The following NUDCD3 variants were observed in gnomAD, a reference collection of about 807,000 sequenced individuals.
NUDCD3 encodes NudC domain containing 3, also known as nudC domain-containing protein 3.
In NUDCD3, 13 loss-of-function variants were observed where a neutral mutation model predicts 39.7. That is an observed-to-expected ratio of 0.33 (90% confidence interval 0.21 to 0.52). The LOEUF (loss-of-function observed/expected upper bound fraction) is 0.52. Among genes scored for constraint, NUDCD3 ranks in the 20% least tolerant of loss-of-function variants. NUDCD3 has a pLI of 0.96. For synonymous variants in NUDCD3, 175 were observed against 172.4 expected (o/e 1.02, Z -0.12); for missense variants, 453 against 458.1 (o/e 0.99, Z 0.10).
intron 3 of NUDCD3, among the ~76,000 whole-genome samples, chr7:44,407,236 A>G (rs562186536): frequency 1.1e-3 from 167 of 151,098 alleles, no homozygotes; most frequent in African/African-American, 4.0e-3. Flanking sequence ...ACGGTCCCAC[A>G]CTCAAGAGAA....
intron 2 of NUDCD3, among the ~76,000 whole-genome samples, chr7:44,465,926 A>G (rs1800108718): frequency 6.6e-6 from 1 of 152,222 alleles, no homozygotes; most frequent in Non-Finnish European, 1.5e-5. Flanking sequence ...AAATCTAAAT[A>G]AAAGCTAGAG....
chr7:44,401,957 T>C (rs1248107006), intron 4 of NUDCD3, among the ~76,000 whole-genome samples: 1 of 152,106 alleles, frequency 6.6e-6, no homozygotes, highest in East Asian at 1.9e-4. Context: ...TCTCACACAT[T>C]TACCTAACAC....
chr7:44,467,817 TAAAAAAAAAA>T, intron 2 of NUDCD3: 1 of 863,818 alleles, frequency 1.2e-6, no homozygotes, highest in Non-Finnish European at 1.7e-6. Context: ...AAGACCTCAG[TAAAAAAAAAA>T]AAAAGAAAAG....
rs1167752759 is a variant in NUDCD3 at position 44,462,979 on chromosome 7, GTGTGTGTGTGTA to G, written c.509+21977_509+21988del. 7.1e-3 allele frequency among the ~76,000 whole-genome samples: 1,069 copies of G among 151,516 alleles called. 7 individuals are homozygous for G. The highest frequency in any genetic ancestry group is 0.024 in the African/African-American group (993 of 41,100). Reference sequence around the variant, plus strand: ...TGTGTGTGTGTGTGTGTGTGTGTGTGTGTGTGTGTGTATACACAAAGATACAAAAGATTTATA... The same window carrying G: ...TGTGTGTGTGTGTGTGTGTGTGTGTGTACACAAAGATACAAAAGATTTATA... On this transcript the variant is annotated intron_variant, in intron 2 of 5. Transcript: ENST00000355451.
chr7:44,453,356 A>AAAATAAAT (rs558104012), intron 2 of NUDCD3, among the ~76,000 whole-genome samples: 4 of 151,838 alleles, frequency 2.6e-5, no homozygotes, highest in South Asian at 4.2e-4. Context: ...TCATCTCAAA[A>AAAATAAAT]AAATAAATAA....
At chr7:44,444,593 C>G (rs1401710499) in intron 2 of NUDCD3, among the ~76,000 whole-genome samples, 1 of 152,200 alleles carries the variant, frequency 6.6e-6, no homozygotes, top group Non-Finnish European at 1.5e-5. Flanking sequence ...CAAAACTCCT[C>G]TACAAATTGA....
intron 4 of NUDCD3, among the ~76,000 whole-genome samples, chr7:44,393,767 G>C (rs1798566503): frequency 6.6e-6 from 1 of 152,158 alleles, no homozygotes; most frequent in South Asian, 2.1e-4. Context: ...AGTGAGAGCA[G>C]CTCTCATCCA....
chr7:44,400,952 C>T (rs6966937), intron 4 of NUDCD3, among the ~76,000 whole-genome samples: 19,565 of 152,198 alleles, frequency 0.13, 1,673 homozygotes, highest in Non-Finnish European at 0.19. Flanking sequence ...AGAGCAAAGC[C>T]CTCAACTCAC....
intron 2 of NUDCD3, among the ~76,000 whole-genome samples, chr7:44,457,751 T>C (rs1287843063): frequency 6.6e-6 from 1 of 152,172 alleles, no homozygotes; most frequent in Non-Finnish European, 1.5e-5. Flanking sequence ...AAAATACACA[T>C]TTTTAGTTAC....
rs116925814 is a variant in NUDCD3 at position 44,434,517 on chromosome 7, T to C, written c.510-6814A>G. On this transcript the variant is annotated intron_variant, in intron 2 of 5. Coordinates refer to ENST00000355451, the MANE Select transcript of NUDCD3 (RefSeq NM_015332.4). ...GGCTCCTTTCATTGTTGTGGATGCA[T>C]TATTTCTAAGTTCATGCTTCTTTAC... Among the ~76,000 whole-genome samples the C allele has an allele frequency of 3.9e-5, 6 of 152,328 alleles. No individual in the cohort carries two copies. In the East Asian group the frequency reaches 1.2e-3, roughly 29 times the overall value.
At chr7:44,387,263 C>T (rs1798417060) in intron 5 of NUDCD3, among the ~76,000 whole-genome samples, 1 of 152,172 alleles carries the variant, frequency 6.6e-6, no homozygotes, top group South Asian at 2.1e-4. Flanking sequence ...TGGGCTCAAG[C>T]GATCCTCCCA....
intron 4 of NUDCD3, among the ~76,000 whole-genome samples, chr7:44,404,174 T>C (rs1313890865): frequency 6.6e-6 from 1 of 152,166 alleles, no homozygotes; most frequent in Admixed American, 6.5e-5. Context: ...CAACCTAGCT[T>C]TTCATTTTCA....
At position 44,413,120 on chromosome 7, in the gene NUDCD3, A is replaced by G. The variant is rs193154858; in HGVS notation, c.643-8537T>C. ...CCTGATTCAAATTTCAGAAGCCATG[A>G]AAAAACAAAGAACCAATTAACTTGA... On this transcript the variant is annotated intron_variant, in intron 3 of 5. Coordinates refer to ENST00000355451, the MANE Select transcript of NUDCD3 (RefSeq NM_015332.4). The G allele has an allele frequency of 3.3e-5, 5 of 152,190 alleles. No homozygotes were observed. The East Asian group carries it at 9.6e-4, about 29-fold the overall frequency. The allele number at this position is 152,190 out of a possible 1,614,324, so 9.4% of individuals were successfully genotyped here. A position where few individuals can be genotyped will look rare whatever the true frequency, so the allele number is the denominator to read the frequency against.
At chr7:44,393,159 A>T (rs1265395613) in intron 4 of NUDCD3, among the ~76,000 whole-genome samples, 1 of 151,972 alleles carries the variant, frequency 6.6e-6, no homozygotes, top group Admixed American at 6.6e-5. Flanking sequence ...CATTCCCTAA[A>T]GTTCTCTGAT....
At chr7:44,391,269 G>A (rs183354673) in intron 5 of NUDCD3, among the ~76,000 whole-genome samples, 5 of 152,290 alleles carry the variant, frequency 3.3e-5, no homozygotes, top group African/African-American at 7.2e-5. Context: ...GTGTGGCAGG[G>A]CCAGGTGAGG....
chr7:44,449,698 C>A (rs940673976), intron 2 of NUDCD3, among the ~76,000 whole-genome samples: 1 of 152,156 alleles, frequency 6.6e-6, no homozygotes, highest in African/African-American at 2.4e-5. Flanking sequence ...CAAGCCGTAT[C>A]TTGCATCATA....
At position 44,488,552 on chromosome 7, in the gene NUDCD3, TC is replaced by T. The variant is rs370829584; in HGVS notation, c.192+1856del. Among the ~76,000 whole-genome samples, 578 of 152,226 alleles carry T rather than the reference TC, an allele frequency of 3.8e-3. 6 individuals carry two copies. The highest frequency in any genetic ancestry group is 0.014 in the African/African-American group (561 of 41,528). The stretch of plus-strand genomic sequence containing the variant: ...CTCTCCCTCGGACCACTCCAGTTGC[TC>T]TAGCTCCCAAAAGATCTAGTCCAGT... On this transcript the variant is annotated intron_variant, in intron 1 of 5. Coordinates refer to ENST00000355451, the MANE Select transcript of NUDCD3 (RefSeq NM_015332.4).
intron 3 of NUDCD3, chr7:44,413,074 C>T (rs371491648): frequency 1.3e-5 from 2 of 151,932 alleles, no homozygotes; most frequent in African/African-American, 2.4e-5. Flanking sequence ...CTCTACCAAA[C>T]GCAATCTGCT....
intron 4 of NUDCD3, among the ~76,000 whole-genome samples, chr7:44,401,225 C>T (rs777318819): frequency 2.6e-5 from 4 of 152,154 alleles, no homozygotes; most frequent in Admixed American, 6.5e-5. Flanking sequence ...ACACAGCAGA[C>T]GTGATGCAGC....
Sources: allele counts gnomAD v4.1 joint callset (sites outside exome capture counted in the v4.1 genomes callset), GRCh38; gene constraint gnomAD v4.1.1; transcripts MANE v1.5; gene names NCBI Gene and HGNC (gene_info 2026-07-23, HGNC 2026-07-21).